Variants in UFD1 observed in about 807,000 individuals in gnomAD.
The protein encoded by UFD1 is ubiquitin recognition factor in ER associated degradation 1.
Under a neutral mutation model 45.9 loss-of-function variants are expected in UFD1, and 13 were observed. The ratio of observed to expected loss-of-function variants is 0.28; its 90% CI spans 0.18 to 0.45. The LOEUF (loss-of-function observed/expected upper bound fraction) is 0.45. UFD1 is among the 20% of genes least tolerant of loss of function. The pLI, the probability that UFD1 is intolerant of heterozygous loss-of-function variation, is 1.00. For missense variants in UFD1, 218 were observed against 389.2 expected (o/e 0.56, Z 3.70); for synonymous variants, 128 against 139.2 (o/e 0.92, Z 0.56).
At chr22:19,466,316 C>T (rs1374577256) in intron 5 of UFD1, 2 of 152,346 alleles carry the variant, frequency 1.3e-5, no homozygotes, top group East Asian at 1.9e-4. Flanking sequence ...AACACGAGGC[C>T]TCTGCAGGCA....
chr22:19,475,747 C>T, intron 1 of UFD1, 145 bp from the exon 2 acceptor site: 1 of 1,048,350 alleles, frequency 9.5e-7, no homozygotes, highest in Non-Finnish European at 1.4e-6. Context: ...TTACTAAATA[C>T]AAAACAGGCC....
chr22:19,478,823 A>G, intron 1 of UFD1: 1 of 529,884 alleles, frequency 1.9e-6, no homozygotes, highest in Non-Finnish European at 3.3e-6. Flanking sequence ...ATGGACACAA[A>G]CCTTCCTTTC....
At chr22:19,469,378 A>G (rs1008784096) in intron 4 of UFD1, among the ~76,000 whole-genome samples, 1 of 152,132 alleles carries the variant, frequency 6.6e-6, no homozygotes, top group Non-Finnish European at 1.5e-5. Flanking sequence ...GAGGCAGGAC[A>G]CTGCCATAGG....
At position 19,453,272 on chromosome 22, in the gene UFD1, T is replaced by C. The variant is rs528275170; in HGVS notation, c.849+1477A>G. 6.1e-6 allele frequency: 6 copies of C among 985,478 alleles called. No individual in the cohort carries two copies. The Admixed American group carries it at 2.5e-4, about 40-fold the overall frequency. The allele number at this position is 985,478 out of a possible 1,614,324, so 61.0% of individuals were successfully genotyped here. A position where few individuals can be genotyped will look rare whatever the true frequency, so the allele number is the denominator to read the frequency against. On this transcript the variant is annotated intron_variant, in intron 11 of 11. Coordinates refer to ENST00000263202, the MANE Select transcript of UFD1 (RefSeq NM_005659.7). ...CTAGGCTTTCTATGGTCTACTAAGG[T>C]ACCTGGGGCTTCCAAAGCCTTGTAG...
chr22:19,461,594 C>T (rs1413194638), intron 6 of UFD1, among the ~76,000 whole-genome samples: 1 of 152,124 alleles, frequency 6.6e-6, no homozygotes, highest in African/African-American at 2.4e-5. Flanking sequence ...TGTAGTTTAC[C>T]TTTCTCCTAT....
intron 4 of UFD1, chr22:19,471,429 A>G (rs1206945156): frequency 2.7e-6 from 2 of 728,162 alleles, no homozygotes; most frequent in Non-Finnish European, 5.0e-6. Flanking sequence ...ATCACAGATG[A>G]ACAGTTCAGC....
chr22:19,470,365 A>G (rs976081129), intron 4 of UFD1, among the ~76,000 whole-genome samples: 3 of 152,100 alleles, frequency 2.0e-5, no homozygotes, highest in Admixed American at 6.5e-5. Context: ...GCTGAAGAGG[A>G]TGCCACTACC....
chr22:19,450,330 T>G lies in UFD1; in HGVS notation c.*340A>C. The G allele has an allele frequency of 4.3e-6, 1 of 232,242 alleles. No homozygotes were observed. The highest frequency in any genetic ancestry group is 8.5e-6 in the Non-Finnish European group (1 of 116,998). 14.4% of individuals were successfully genotyped at this position (232,242 alleles called of 1,614,324 possible). A position where few individuals can be genotyped will look rare whatever the true frequency, so the allele number is the denominator to read the frequency against. On this transcript the variant is annotated 3_prime_UTR_variant, in exon 12 of 12. Coordinates refer to ENST00000263202, the MANE Select transcript of UFD1 (RefSeq NM_005659.7). ...AGAAAGAACACTTCATGTTAGACAATTTAGTCACCTTCATAGGTTTTGACA... is the reference window on the plus strand; with the variant it reads ...AGAAAGAACACTTCATGTTAGACAAGTTAGTCACCTTCATAGGTTTTGACA...
chr22:19,465,323 C>G (rs766806645), intron 5 of UFD1, 49 bp from the exon 6 acceptor site: 1 of 1,528,468 alleles, frequency 6.5e-7, no homozygotes, highest in South Asian at 1.1e-5. Flanking sequence ...ATACCTTAAT[C>G]TGAAACAAGT....
At chr22:19,471,495 C>T (rs1015588658) in intron 4 of UFD1, 192 bp downstream of exon 4, 2 of 872,862 alleles carry the variant, frequency 2.3e-6, no homozygotes, top group Admixed American at 1.9e-5. Flanking sequence ...ACAGGTGCGT[C>T]CAGAGCCCAC....
At chr22:19,451,373 GA>G (rs1294351841) in intron 11 of UFD1, 4 of 985,238 alleles carry the variant, frequency 4.1e-6, no homozygotes, top group Non-Finnish European at 4.8e-6. Context: ...ACACAACTCT[GA>G]TTTTTTTTAG....
Position 19,475,584 on chromosome 22 carries a change from C to T in UFD1, c.22G>A (p.Asp8Asn), listed in dbSNP as rs1202859996. 8.7e-6 allele frequency: 14 copies of T among 1,613,818 alleles called. No homozygotes were observed. Among genetic ancestry groups the T allele is most frequent in the Non-Finnish European group, 1.1e-5 (13 of 1,179,902 alleles). Residue 8 changes from aspartate to asparagine, a missense_variant, in exon 2 of 12, where the codon GAC becomes AAC. Physicochemically the swap from Asp to Asn is conservative, Grantham distance 23. Transcript: ENST00000263202. ...TGGAAGACCCTGGGAATAGGGTGGT[C>T]GAACATGTTGAAAGAGAACTAGAAG... MFSFNMF[D>N]HPIPRVFQNR...
intron 3 of UFD1, among the ~76,000 whole-genome samples, chr22:19,473,289 G>A (rs1486259950): frequency 6.6e-6 from 1 of 152,184 alleles, no homozygotes; most frequent in East Asian, 1.9e-4. Context: ...GGCTCCCAGT[G>A]CCCTGGGGCT....
At chr22:19,469,969 C>T (rs1472833568) in intron 4 of UFD1, 2 of 518,290 alleles carry the variant, frequency 3.9e-6, no homozygotes, top group Non-Finnish European at 7.7e-6. Flanking sequence ...ACAGTGTATC[C>T]CCAGCATCAC....
In UFD1 at chr22:19,455,546, G is replaced by T. The variant is rs73383655; in HGVS notation, c.767+134C>A. 508 of 755,716 alleles carry T rather than the reference G, an allele frequency of 6.7e-4. 2 individuals are homozygous for T. The African/African-American group carries it at 8.2e-3, about 12-fold the overall frequency. 46.8% of individuals were successfully genotyped at this position (755,716 alleles called of 1,614,324 possible). A position where few individuals can be genotyped will look rare whatever the true frequency, so the allele number is the denominator to read the frequency against. ...GTTGTGCTCCACCCCACCAAGGAGA[G>T]CAGCTAAGGGTTTTAGTCCCTTGGG... On this transcript the variant is annotated intron_variant, in intron 10 of 11. Transcript: ENST00000263202.
At chr22:19,455,080 G>A (rs2089712755) in intron 10 of UFD1, among the ~76,000 whole-genome samples, 1 of 151,772 alleles carries the variant, frequency 6.6e-6, no homozygotes. Context: ...TGAAGGATTG[G>A]GAAGCCCTCA....
chr22:19,458,590 T>C (rs2146291468), intron 6 of UFD1, among the ~76,000 whole-genome samples: 1 of 152,250 alleles, frequency 6.6e-6, no homozygotes, highest in East Asian at 1.9e-4. Flanking sequence ...ACTATAGGCA[T>C]GTGCCACTAC....
chr22:19,471,587 G>T (rs1210097176), intron 4 of UFD1, 100 bp downstream of exon 4: 6 of 1,513,270 alleles, frequency 4.0e-6, no homozygotes, highest in East Asian at 2.3e-5. Context: ...TGAGCAGGAG[G>T]AGTAGGCGGG....
rs904639682 is a variant in UFD1, at chr22:19,462,626, C to T, written c.495+2576G>A. ...TGGTAGCTGCAGTGAGCCAAGATCG[C>T]GCCACTGCACTCCAGCCAGGGTGAG... On this transcript the variant is annotated intron_variant, in intron 6 of 11. Coordinates refer to ENST00000263202, the MANE Select transcript of UFD1 (RefSeq NM_005659.7). Among the ~76,000 whole-genome samples the T allele has an allele frequency of 9.2e-5, 14 of 152,016 alleles. No homozygotes were observed. The South Asian group carries it at 2.1e-3, about 23-fold the overall frequency.
Sources: gnomAD v4.1 joint callset for allele counts (sites outside exome capture counted in the v4.1 genomes callset) on GRCh38, gnomAD v4.1.1 for gene constraint, MANE v1.5 for transcripts, NCBI Gene and HGNC (gene_info 2026-07-23, HGNC 2026-07-21) for gene names.